The following DLG2 variants were observed in gnomAD, a reference collection of about 807,000 sequenced individuals.
DLG2 encodes disks large homolog 2.
In DLG2, 45 loss-of-function variants were observed where a neutral mutation model predicts 132.5. That is an observed-to-expected ratio of 0.34 (90% CI 0.27 to 0.44). DLG2 has a LOEUF of 0.44. Among genes scored for constraint, DLG2 ranks in the 20% least tolerant of loss-of-function variants. DLG2 has a pLI of 1.00. For missense variants in DLG2, 1,045 were observed against 1,196.9 expected (o/e 0.87, Z 1.87); for synonymous variants, 424 against 419.6 (o/e 1.01, Z -0.13).
intron 21 of DLG2, among the ~76,000 whole-genome samples, chr11:83,521,402 T>G (rs1176751874): frequency 6.6e-6 from 1 of 152,222 alleles, no homozygotes; most frequent in Non-Finnish European, 1.5e-5. Flanking sequence ...GTGACAATTT[T>G]TTTTATTCTG....
chr11:84,278,248 A>G (rs549116898), intron 7 of DLG2, among the ~76,000 whole-genome samples: 2 of 152,182 alleles, frequency 1.3e-5, no homozygotes, highest in South Asian at 4.1e-4. Flanking sequence ...TGAAATGGAC[A>G]AATTCCTTGA....
intron 5 of DLG2, 23 bp downstream of exon 5, chr11:85,154,528 TAAGAA>T (rs2077472327): frequency 4.5e-6 from 5 of 1,112,328 alleles, no homozygotes; most frequent in Middle Eastern, 2.0e-4. Context: ...TGAAGCCTAG[TAAGAA>T]AAGAAAACAG....
In DLG2 at chr11:84,802,773, T is replaced by C. The variant is rs542097105; in HGVS notation, c.358-268042A>G. ...GAAAGTAGAAAAAAGCAATTTACGCTCTTTGTTTCTTTTTCCTCATCTTTT... is the reference window on the plus strand; with the variant it reads ...GAAAGTAGAAAAAAGCAATTTACGCCCTTTGTTTCTTTTTCCTCATCTTTT... On this transcript the variant is annotated intron_variant, in intron 6 of 27. Transcript: ENST00000376104. 7.9e-5 allele frequency among the ~76,000 whole-genome samples: 12 copies of C among 152,112 alleles called. No individual in the cohort carries two copies. The East Asian group carries it at 2.1e-3, about 27-fold the overall frequency.
At chr11:84,302,932 CA>C (rs199941142) in intron 7 of DLG2, among the ~76,000 whole-genome samples, 2 of 149,678 alleles carry the variant, frequency 1.3e-5, no homozygotes, top group Admixed American at 6.6e-5. Flanking sequence ...ACACCAAAAA[CA>C]AAAAAAAATA....
intron 6 of DLG2, among the ~76,000 whole-genome samples, chr11:85,003,622 G>A (rs773816126): frequency 1.2e-4 from 18 of 152,146 alleles, no homozygotes; most frequent in Non-Finnish European, 2.2e-4. Context: ...TATTACTTCA[G>A]CTTGAGAAAA....
At chr11:84,670,166 T>C (rs2099704173) in intron 6 of DLG2, among the ~76,000 whole-genome samples, 1 of 152,074 alleles carries the variant, frequency 6.6e-6, no homozygotes, top group Non-Finnish European at 1.5e-5. Context: ...ATTCCAACCT[T>C]CCTCTTGATC....
intron 6 of DLG2, among the ~76,000 whole-genome samples, chr11:84,749,298 C>A (rs1411032315): frequency 2.0e-5 from 3 of 152,146 alleles, no homozygotes; most frequent in Non-Finnish European, 4.4e-5. Context: ...TCAATCAAAT[C>A]AAGGAACAGA....
rs114863233 is a variant in DLG2, at chr11:83,716,770, T to G, written c.1825+69920A>C. ...GCCCATCATACAGACTTTTCTCACA[T>G]AATCTTCAATGCTTTAATGTATTTG... On this transcript the variant is annotated intron_variant, in intron 18 of 27. Coordinates refer to ENST00000376104, the MANE Select transcript of DLG2 (RefSeq NM_001142699.3). 8.9e-3 allele frequency among the ~76,000 whole-genome samples: 1,361 copies of G among 152,316 alleles called. 19 individuals are homozygous for G. Among genetic ancestry groups the G allele is most frequent in the African/African-American group, 0.03 (1,239 of 41,574 alleles).
intron 11 of DLG2, among the ~76,000 whole-genome samples, chr11:83,994,003 G>A (rs1306136723): frequency 1.3e-5 from 2 of 151,990 alleles, no homozygotes; most frequent in East Asian, 1.9e-4. Flanking sequence ...ATTCACAAAC[G>A]CCTGTATTCA....
intron 19 of DLG2, among the ~76,000 whole-genome samples, chr11:83,621,230 G>T (rs2061592330): frequency 6.6e-6 from 1 of 151,772 alleles, no homozygotes; most frequent in Non-Finnish European, 1.5e-5. Flanking sequence ...CTTACTTGGT[G>T]CAATTTAGTT....
chr11:84,714,609 CTT>C lies in DLG2; in HGVS notation c.358-179880_358-179879del, dbSNP rs1565750152. Among the ~76,000 whole-genome samples the C allele has an allele frequency of 7.3e-3, 817 of 112,484 alleles. 19 individuals are homozygous for C. The highest frequency in any genetic ancestry group is 0.026 in the African/African-American group (714 of 27,506). The allele number at this position is 112,484 out of a possible 152,430, so 73.8% of individuals were successfully genotyped here. Reference sequence around the variant, plus strand: ...TCTCTTTCTCTTTCTTTCTCTTTCTCTTTCTCTTTCTCTTTCTCTCTCTCTCT... The same window carrying C: ...TCTCTTTCTCTTTCTTTCTCTTTCTCTCTCTTTCTCTTTCTCTCTCTCTCT... On this transcript the variant is annotated intron_variant, in intron 6 of 27. Coordinates refer to ENST00000376104, the MANE Select transcript of DLG2 (RefSeq NM_001142699.3).
At chr11:84,724,390 G>C (rs1472721827) in intron 6 of DLG2, among the ~76,000 whole-genome samples, 1 of 152,100 alleles carries the variant, frequency 6.6e-6, no homozygotes, top group African/African-American at 2.4e-5. Context: ...TATCATGCTT[G>C]CTATGTACAC....
Position 84,331,441 on chromosome 11 carries a change from C to CA in DLG2, c.520-80151dup, listed in dbSNP as rs71465960. Among the ~76,000 whole-genome samples, 509 of 119,758 alleles carry CA rather than the reference C, an allele frequency of 4.3e-3. 2 individuals are homozygous for CA. The highest frequency in any genetic ancestry group is 6.5e-3 in the African/African-American group (226 of 34,678). 78.6% of individuals were successfully genotyped at this position (119,758 alleles called of 152,430 possible). ...TCCCACTTCACCATGTTACTTATCT[C>CA]AAAAAAAAAAAAAAAAAAAATAAAT... On this transcript the variant is annotated intron_variant, in intron 7 of 27. Coordinates refer to ENST00000376104, the MANE Select transcript of DLG2 (RefSeq NM_001142699.3).
In DLG2 at chr11:84,864,583, G is replaced by T. The variant is rs2084264121; in HGVS notation, c.357+247078C>A. Among the ~76,000 whole-genome samples the T allele has an allele frequency of 2.6e-5, 4 of 152,190 alleles. No homozygotes were observed. The South Asian group carries it at 6.2e-4, about 24-fold the overall frequency. Reference sequence around the variant, plus strand: ...ATTCTTTATAAGCTTCAGAAATCCAGTAACTTTAAATAAGGAACTATGGGT... The same window carrying T: ...ATTCTTTATAAGCTTCAGAAATCCATTAACTTTAAATAAGGAACTATGGGT... On this transcript the variant is annotated intron_variant, in intron 6 of 27. Transcript: ENST00000376104.
At chr11:84,798,550 C>A (rs1045900039) in intron 6 of DLG2, among the ~76,000 whole-genome samples, 1 of 152,174 alleles carries the variant, frequency 6.6e-6, no homozygotes, top group Non-Finnish European at 1.5e-5. Flanking sequence ...GCTGTCAGAT[C>A]TGAGACTCAC....
chr11:83,628,754 ACT>A (rs2063059153), intron 19 of DLG2, among the ~76,000 whole-genome samples: 1 of 151,788 alleles, frequency 6.6e-6, no homozygotes, highest in South Asian at 2.1e-4. Flanking sequence ...TAGTAAAGAC[ACT>A]CTCTTTTGTT....
intron 6 of DLG2, among the ~76,000 whole-genome samples, chr11:85,018,830 A>C (rs1298756533): frequency 6.7e-6 from 1 of 149,482 alleles, no homozygotes; most frequent in East Asian, 2.0e-4. Context: ...CTTAATAAGG[A>C]CTTGTTTATT....
At chr11:84,866,232 G>A (rs1226121785) in intron 6 of DLG2, among the ~76,000 whole-genome samples, 2 of 152,088 alleles carry the variant, frequency 1.3e-5, no homozygotes, top group African/African-American at 4.8e-5. Context: ...CAAAGCCAAG[G>A]TGATTTGCTG....
intron 2 of DLG2, among the ~76,000 whole-genome samples, chr11:85,621,980 G>A (rs1591384256): frequency 6.6e-6 from 1 of 152,140 alleles, no homozygotes; most frequent in Non-Finnish European, 1.5e-5. Context: ...CAATTGATGT[G>A]GCAAACTTCA....
Sources: gnomAD v4.1 joint callset for allele counts (sites outside exome capture counted in the v4.1 genomes callset) on GRCh38, gnomAD v4.1.1 for gene constraint, MANE v1.5 for transcripts, NCBI Gene and HGNC (gene_info 2026-07-23, HGNC 2026-07-21) for gene names.